Variants in EPHA6 observed in about 807,000 individuals in gnomAD.
EPHA6 encodes the protein ephrin type-A receptor 6.
In EPHA6, 50 loss-of-function variants were observed where a neutral mutation model predicts 112.0. The observed-to-expected ratio is 0.45, with a 90% CI of 0.36 to 0.56. The LOEUF is 0.56. Ranked by LOEUF, EPHA6 falls within the 20% of genes least tolerant of loss-of-function variation. The pLI is 0.00. For missense variants in EPHA6, 1,280 were observed against 1,417.4 expected (o/e 0.90, Z 1.56); for synonymous variants, 529 against 490.7 (o/e 1.08, Z -1.03).
intron 3 of EPHA6, among the ~76,000 whole-genome samples, chr3:96,994,732 T>TATATATATATAGAGAGAG (rs1170197805): frequency 2.4e-5 from 2 of 82,204 alleles, no homozygotes; most frequent in African/African-American, 1.3e-4. Context: ...TATATATATA[T>TATATATATATAGAGAGAG]AGAGAGAGAG....
At chr3:97,423,984 G>T (rs576887380) in intron 6 of EPHA6, among the ~76,000 whole-genome samples, 1 of 152,254 alleles carries the variant, frequency 6.6e-6, no homozygotes, top group South Asian at 2.1e-4. Flanking sequence ...TTCTCTATTA[G>T]TCTCTTCTCA....
intron 5 of EPHA6, among the ~76,000 whole-genome samples, chr3:97,341,707 A>G (rs1272528156): frequency 6.6e-6 from 1 of 152,184 alleles, no homozygotes; most frequent in African/African-American, 2.4e-5. Flanking sequence ...TTCATTCTTT[A>G]TAATTCAATG....
intron 3 of EPHA6, among the ~76,000 whole-genome samples, chr3:97,220,656 A>C (rs772402236): frequency 6.6e-6 from 1 of 152,168 alleles, no homozygotes; most frequent in Non-Finnish European, 1.5e-5. Context: ...CAAGGACAGC[A>C]TGGGGGAAAC....
At chr3:97,551,511 G>T (rs760046316) in intron 11 of EPHA6, among the ~76,000 whole-genome samples, 48 of 151,976 alleles carry the variant, frequency 3.2e-4, no homozygotes, top group Non-Finnish European at 6.2e-4. Context: ...GGGATTCTTA[G>T]CCCTGAAAAT....
intron 4 of EPHA6, among the ~76,000 whole-genome samples, chr3:97,243,713 A>G (rs902486182): frequency 1.3e-5 from 2 of 149,448 alleles, no homozygotes; most frequent in Non-Finnish European, 3.0e-5. Context: ...CCTGATTTTT[A>G]TATTAAATAT....
intron 3 of EPHA6, among the ~76,000 whole-genome samples, chr3:97,138,499 A>T (rs187304342): frequency 6.6e-6 from 1 of 152,182 alleles, no homozygotes; most frequent in Non-Finnish European, 1.5e-5. Context: ...TCATTCCTGC[A>T]GTGGGGGACC....
chr3:96,845,429 A>G (rs1322602207), intron 1 of EPHA6, among the ~76,000 whole-genome samples: 1 of 151,952 alleles, frequency 6.6e-6, no homozygotes, highest in African/African-American at 2.4e-5. Flanking sequence ...GAAATGCAAT[A>G]AAGTCCTCAC....
At chr3:97,331,448 A>G (rs1035551198) in intron 5 of EPHA6, among the ~76,000 whole-genome samples, 2 of 152,186 alleles carry the variant, frequency 1.3e-5, no homozygotes, top group Admixed American at 6.6e-5. Context: ...CAAAAAATCA[A>G]TGAATCCAGG....
intron 14 of EPHA6, among the ~76,000 whole-genome samples, chr3:97,648,934 C>T (rs532704063): frequency 5.0e-4 from 76 of 152,210 alleles, no homozygotes; most frequent in African/African-American, 1.7e-3. Flanking sequence ...TTTACTCTAA[C>T]TCTACCCTAG....
intron 7 of EPHA6, among the ~76,000 whole-genome samples, chr3:97,462,836 A>C (rs890930824): frequency 3.3e-5 from 5 of 152,300 alleles, no homozygotes; most frequent in Admixed American, 2.6e-4. Flanking sequence ...TATCTGACAG[A>C]CAAACAGAGC....
chr3:97,368,762 G>T (rs1297239297), intron 5 of EPHA6, among the ~76,000 whole-genome samples: 1 of 152,018 alleles, frequency 6.6e-6, no homozygotes, highest in Admixed American at 6.6e-5. Context: ...TTTATTATTT[G>T]TACATATAGG....
chr3:97,678,663 G>A (rs1380351249), intron 14 of EPHA6, among the ~76,000 whole-genome samples: 1 of 152,120 alleles, frequency 6.6e-6, no homozygotes, highest in East Asian at 1.9e-4. Flanking sequence ...GAGAGGTAAA[G>A]TCTTCTGTAT....
intron 5 of EPHA6, among the ~76,000 whole-genome samples, chr3:97,359,594 T>G (rs999745080): frequency 6.6e-6 from 1 of 152,094 alleles, no homozygotes; most frequent in Non-Finnish European, 1.5e-5. Context: ...TTTAATCTTT[T>G]GAATGAGTCA....
intron 11 of EPHA6, among the ~76,000 whole-genome samples, chr3:97,576,466 T>C (rs2093386417): frequency 6.6e-6 from 1 of 152,178 alleles, no homozygotes; most frequent in African/African-American, 2.4e-5. Context: ...ATATTTTCTG[T>C]CAGGAAGGTC....
At chr3:97,097,248 GAAA>G (rs2047267128) in intron 3 of EPHA6, among the ~76,000 whole-genome samples, 1 of 151,486 alleles carries the variant, frequency 6.6e-6, no homozygotes, top group South Asian at 2.1e-4. Flanking sequence ...AAAATATAAA[GAAA>G]AATATTTTTT....
chr3:97,639,083 T>A (rs763709997), intron 14 of EPHA6, among the ~76,000 whole-genome samples: 232 of 152,076 alleles, frequency 1.5e-3, no homozygotes, highest in Non-Finnish European at 2.9e-3. Flanking sequence ...TTTGTAGAAA[T>A]GTTATCTATT....
chr3:97,383,371 C>A (rs1252947635), intron 5 of EPHA6, among the ~76,000 whole-genome samples: 12 of 151,962 alleles, frequency 7.9e-5, no homozygotes, highest in Non-Finnish European at 7.4e-5. Flanking sequence ...ATTTGGCTAA[C>A]AAGTATTTAT....
At chr3:97,365,677 C>T (rs535188433) in intron 5 of EPHA6, among the ~76,000 whole-genome samples, 12 of 152,182 alleles carry the variant, frequency 7.9e-5, no homozygotes, top group Middle Eastern at 3.2e-3. Context: ...CGTCAGCCAC[C>T]GTGCCCAGCC....
At position 97,214,036 on chromosome 3, in the gene EPHA6, T is replaced by TGAGAGA. The variant is rs1385755964; in HGVS notation, c.1115-12227_1115-12226insAGAGAG. ...GTGTGTGTGTGTGTGTGTGTGTGTG[T>TGAGAGA]GTGAGAGAGAGAGAGAGAGGGAGAG... On this transcript the variant is annotated intron_variant, in intron 3 of 17. Coordinates refer to ENST00000389672, the MANE Select transcript of EPHA6 (RefSeq NM_001080448.3). Among the ~76,000 whole-genome samples the TGAGAGA allele has an allele frequency of 6.7e-3, 876 of 130,932 alleles. 11 individuals are homozygous for TGAGAGA. The highest frequency in any genetic ancestry group is 0.028 in the African/African-American group (801 of 28,560). The allele number at this position is 130,932 out of a possible 152,430, so 85.9% of individuals were successfully genotyped here.
Sources: gnomAD v4.1 joint callset for allele counts (sites outside exome capture counted in the v4.1 genomes callset) on GRCh38, gnomAD v4.1.1 for gene constraint, MANE v1.5 for transcripts, NCBI Gene and HGNC (gene_info 2026-07-23, HGNC 2026-07-21) for gene names.